HAUS4: variants seen among roughly 807,000 people sequenced by gnomAD.
The protein encoded by HAUS4 is HAUS augmin like complex subunit 4.
A neutral mutation model predicts 50.6 loss-of-function variants in HAUS4; 34 were observed. The observed-to-expected ratio is 0.67, with a 90% CI of 0.51 to 0.90. HAUS4 has a LOEUF of 0.90. Among genes scored for constraint, HAUS4 ranks in the 40% least tolerant of loss-of-function variants. The probability of loss-of-function intolerance (pLI) is 0.00; values close to 1 mark genes in which losing one functional copy is unlikely to be tolerated. For missense variants in HAUS4, 370 were observed against 428.7 expected (o/e 0.86, Z 1.21); for synonymous variants, 149 against 161.4 (o/e 0.92, Z 0.58).
In HAUS4 at chr14:22,949,516, G is replaced by A. The variant is rs1230329734; in HGVS notation, c.562+798C>T. ...TGCACTCCAGCCTGGGGGACAGAGC[G>A]AGACTTCGTCTCAAAAAAAAAAAAA... On this transcript the variant is annotated intron_variant, in intron 6 of 9. Transcript: ENST00000541587. Among the ~76,000 whole-genome samples, 2 of 115,734 alleles carry A rather than the reference G, an allele frequency of 1.7e-5. 1 individual carries two copies. Among genetic ancestry groups the A allele is most frequent in the Non-Finnish European group, 3.4e-5 (2 of 58,848 alleles). The allele number at this position is 115,734 out of a possible 152,430, so 75.9% of individuals were successfully genotyped here. A position where few individuals can be genotyped will look rare whatever the true frequency, so the allele number is the denominator to read the frequency against.
intron 1 of HAUS4, 31 bp from the exon 2 acceptor site, chr14:22,955,207 A>C: frequency 2.3e-6 from 3 of 1,302,694 alleles, no homozygotes; most frequent in Non-Finnish European, 3.3e-6. Context: ...AGAAAACAAA[A>C]AGATGAATAA....
At chr14:22,952,232 G>T in intron 4 of HAUS4, 96 bp downstream of exon 4, 1 of 939,414 alleles carries the variant, frequency 1.1e-6, no homozygotes, top group South Asian at 1.5e-5. Flanking sequence ...TGGCCAGGCT[G>T]GTCTCAAACT....
At chr14:22,950,879 A>T (rs1403550344) in intron 5 of HAUS4, among the ~76,000 whole-genome samples, 1 of 152,256 alleles carries the variant, frequency 6.6e-6, no homozygotes, top group Non-Finnish European at 1.5e-5. Flanking sequence ...ATTTAAACTG[A>T]TGACATAACA....
Position 22,951,698 on chromosome 14 carries a change from G to C in HAUS4, c.331-9C>G. On this transcript the variant is annotated splice_polypyrimidine_tract_variant and intron_variant, in intron 4 of 9. Transcript: ENST00000541587. The stretch of plus-strand genomic sequence containing the variant: ...TCAAGGGTCTCATGAAACTGAGAGA[G>C]AGAGAATAAAAAACAAAAAGAGGCA... 6.3e-7 allele frequency: 1 copy of C among 1,584,794 alleles called. No homozygotes were observed. The highest frequency in any genetic ancestry group is 8.6e-7 in the Non-Finnish European group (1 of 1,167,110).
chr14:22,951,451 TATC>T, intron 5 of HAUS4, 101 bp downstream of exon 5: 1 of 1,326,418 alleles, frequency 7.5e-7, no homozygotes, highest in Non-Finnish European at 1.1e-6. Flanking sequence ...CCTGAATGTG[TATC>T]ATTTTTACAA....
chr14:22,955,306 G>A (rs1420045722), intron 1 of HAUS4, 130 bp from the exon 2 acceptor site: 2 of 695,130 alleles, frequency 2.9e-6, no homozygotes, highest in African/African-American at 1.8e-5. Context: ...CTTTTACAGA[G>A]GGCCTATACC....
intron 3 of HAUS4, 38 bp downstream of exon 3, chr14:22,952,503 T>C: frequency 1.9e-6 from 3 of 1,613,308 alleles, no homozygotes; most frequent in South Asian, 1.1e-5. Flanking sequence ...TCTCTCAGGA[T>C]TTTCCCTTCT....
rs1314691650 is a variant in HAUS4, at chr14:22,955,162, T to C, written c.-8A>G. ...GAAATCCCCGGATGCCATTTGATTT[T>C]CTTGGGATTCTAATCTGTGGAACCA... On this transcript the variant is annotated 5_prime_UTR_variant, in exon 2 of 10. Coordinates refer to ENST00000541587, the MANE Select transcript of HAUS4 (RefSeq NM_001166269.2). The C allele has an allele frequency of 1.2e-6, 2 of 1,604,450 alleles. No homozygotes were observed. Among genetic ancestry groups the C allele is most frequent in the African/African-American group, 2.7e-5 (2 of 74,888 alleles).
At chr14:22,948,631 G>A (rs1386705279) in intron 6 of HAUS4, among the ~76,000 whole-genome samples, 1 of 150,774 alleles carries the variant, frequency 6.6e-6, no homozygotes, top group Non-Finnish European at 1.5e-5. Context: ...CACCTCCCAG[G>A]TTCAACCAAT....
rs148824861 is a variant in HAUS4, at chr14:22,951,314, C to G, written c.465+241G>C. On this transcript the variant is annotated intron_variant, in intron 5 of 9. Coordinates refer to ENST00000541587, the MANE Select transcript of HAUS4 (RefSeq NM_001166269.2). Reference sequence around the variant, plus strand: ...GTCACTACACTCGGCCTTATACTCTCTATATAAGCATGAAGGGTATAATAC... The same window carrying G: ...GTCACTACACTCGGCCTTATACTCTGTATATAAGCATGAAGGGTATAATAC... Among the ~76,000 whole-genome samples the G allele has an allele frequency of 6.6e-4, 101 of 152,084 alleles. 1 individual carries two copies. The highest frequency in any genetic ancestry group is 3.4e-3 in the Middle Eastern group (1 of 294).
rs1452215031 is a variant in HAUS4 at position 22,946,567 on chromosome 14, G to A, written c.1050C>T (p.Asn350=). 2 of 1,613,946 alleles carry A rather than the reference G, an allele frequency of 1.2e-6. No homozygotes were observed. The highest frequency in any genetic ancestry group is 2.2e-5 in the East Asian group (1 of 44,880). Residue 350 remains asparagine, a synonymous_variant, in exon 10 of 10, where the codon AAC becomes AAT. Coordinates refer to ENST00000541587, the MANE Select transcript of HAUS4 (RefSeq NM_001166269.2). ...TGAACTCCTGGAGGGCCCACCGCTT[G>A]TTCTCTGTTGCCTGCTTGAGTACGG... ...EYTVLKQATE[N]KRWALQEFSK...
In HAUS4 at chr14:22,952,609, G is replaced by T; in HGVS notation, c.130C>A (p.Leu44Ile). 6.2e-7 allele frequency: 1 copy of T among 1,613,948 alleles called. No homozygotes were observed. The highest frequency in any genetic ancestry group is 8.5e-7 in the Non-Finnish European group (1 of 1,179,910). The change falls in exon 3 of 10, where the codon CTC becomes ATC. Residue 44 changes from leucine to isoleucine, a missense_variant. Physicochemically the swap from Leu to Ile is conservative, Grantham distance 5. Transcript: ENST00000541587. ...TCCACATGCTGTGAGAGATTCAGGA[G>T]AAGCTTGCTGAAGTATGGGTTCTGT... ...LLQNPYFSKL[L>I]LNLSQHVDES...
Position 22,952,409 on chromosome 14 carries a change from A to C in HAUS4, c.249T>G (p.Ile83Met), listed in dbSNP as rs763985507. Residue 83 changes from isoleucine (I) to methionine (M), a missense_variant, in exon 4 of 10, where the codon ATT (isoleucine) becomes ATG (methionine). By Grantham distance (10) the Ile-to-Met change is conservative. Coordinates refer to ENST00000541587, the MANE Select transcript of HAUS4 (RefSeq NM_001166269.2). ...LHKTTWLRSE[I>M]LHRVIQELLV... ...GCAACTCTTGAATGACTCTGTGTAA[A>C]ATCTCAGACCTCAACCATGTTGTCT... 2 of 1,614,080 alleles carry C rather than the reference A, an allele frequency of 1.2e-6. No homozygotes were observed. Among genetic ancestry groups the C allele is most frequent in the South Asian group, 2.2e-5 (2 of 91,074 alleles).
intron 1 of HAUS4, 149 bp from the exon 2 acceptor site, chr14:22,955,325 T>C (rs993316162): frequency 1.6e-6 from 1 of 640,070 alleles, no homozygotes; most frequent in Admixed American, 2.6e-5. Context: ...CCACACATCC[T>C]GGGTCCCAAG....
At position 22,947,674 on chromosome 14, in the gene HAUS4, T is replaced by C. The variant is rs754727183; in HGVS notation, c.766A>G (p.Thr256Ala). The change falls in exon 8 of 10, where the codon ACT becomes GCT. Residue 256 changes from threonine to alanine, a missense_variant. Transcript: ENST00000541587. ...TTGATGCGGTCTAGCTCGGATTGAG[T>C]CTTCAGCCGGTGTTCTTGAAGAAGC... ...QRLLQEHRLK[T>A]QSELDRINAQ... The C allele has an allele frequency of 7.4e-6, 12 of 1,613,778 alleles. No homozygotes were observed. The African/African-American group carries it at 1.5e-4, about 20-fold the overall frequency.
intron 2 of HAUS4, among the ~76,000 whole-genome samples, chr14:22,952,943 C>T (rs1164004234): frequency 6.6e-6 from 1 of 152,042 alleles, no homozygotes; most frequent in Non-Finnish European, 1.5e-5. Flanking sequence ...GCAGTTGGTA[C>T]ATATTAGACA....
chr14:22,950,198 T>A (rs1449393443), intron 6 of HAUS4, 116 bp downstream of exon 6: 2 of 465,072 alleles, frequency 4.3e-6, no homozygotes, highest in Admixed American at 3.6e-5. Context: ...CAAATAAGCA[T>A]CTCTGATGGT....
chr14:22,949,980 T>C (rs886676339), intron 6 of HAUS4, among the ~76,000 whole-genome samples: 3 of 151,656 alleles, frequency 2.0e-5, no homozygotes, highest in Admixed American at 6.6e-5. Flanking sequence ...AATACAAAAT[T>C]AGCCGAGCGG....
At chr14:22,947,095 C>T in intron 9 of HAUS4, 76 bp downstream of exon 9, 2 of 1,020,298 alleles carry the variant, frequency 2.0e-6, no homozygotes, top group Non-Finnish European at 3.1e-6. Flanking sequence ...AAAATGGCAA[C>T]ATCTTTAAAT....
Sources: gnomAD v4.1 joint callset for allele counts (sites outside exome capture counted in the v4.1 genomes callset) on GRCh38, gnomAD v4.1.1 for gene constraint, MANE v1.5 for transcripts, NCBI Gene and HGNC (gene_info 2026-07-23, HGNC 2026-07-21) for gene names.